Variants in EXOC7 observed in about 807,000 individuals in gnomAD.
The protein encoded by EXOC7 is exocyst complex component Exo70.
EXOC7 carries 51 observed loss-of-function variants against 87.6 expected under a neutral mutation model. The observed-to-expected ratio is 0.58, with a 90% CI of 0.46 to 0.73. The LOEUF is 0.73. EXOC7 is among the 30% of genes least tolerant of loss of function. The pLI, the probability that EXOC7 is intolerant of heterozygous loss-of-function variation, is 0.00. For synonymous variants in EXOC7, 327 were observed against 357.1 expected (o/e 0.92, Z 0.95); for missense variants, 744 against 888.4 (o/e 0.84, Z 2.07).
At chr17:76,088,609 G>C (rs185773739) in intron 9 of EXOC7, 47 bp from the exon 10 acceptor site, 3 of 1,602,160 alleles carry the variant, frequency 1.9e-6, no homozygotes, top group Non-Finnish European at 8.5e-7. Context: ...GTCGCTCTGT[G>C]AGCATCTCAC....
Position 76,085,745 on chromosome 17 carries a change from G to A in EXOC7, c.1548C>T (p.Tyr516=), listed in dbSNP as rs142464366. 42 of 1,613,878 alleles carry A rather than the reference G, an allele frequency of 2.6e-5. No homozygotes were observed. The highest frequency in any genetic ancestry group is 3.3e-4 in the Middle Eastern group (2 of 6,060). The change falls in exon 14 of 19, where the codon TAC becomes TAT. Residue 516 remains tyrosine, a synonymous_variant. Transcript: ENST00000589210. ...AGATGGCGCTCAGAGCTGGGTCCTC[G>A]TACACCTTGGACTTGCTCAGCAAGT... ...QLNLLSKSKV[Y]EDPALSAIFL...
rs79195356 is a variant in EXOC7, at chr17:76,083,295, T to C, written c.*353A>G. 2.8e-3 allele frequency: 735 copies of C among 258,168 alleles called. 6 individuals carry two copies. Among genetic ancestry groups the C allele is most frequent in the African/African-American group, 0.016 (697 of 44,794 alleles). 16.0% of individuals were successfully genotyped at this position (258,168 alleles called of 1,614,324 possible). On this transcript the variant is annotated 3_prime_UTR_variant, in exon 19 of 19. Transcript: ENST00000589210. ...CTCTGTCCCCACCTCTGACCTAGGCTGGAGGGAGGGCCCTTCTGCCCTGCT... is the reference window on the plus strand; with the variant it reads ...CTCTGTCCCCACCTCTGACCTAGGCCGGAGGGAGGGCCCTTCTGCCCTGCT...
At chr17:76,087,285 A>G (rs1056186059) in intron 12 of EXOC7, 8 of 385,122 alleles carry the variant, frequency 2.1e-5, no homozygotes, top group Non-Finnish European at 3.8e-5. Context: ...GACACTTGCT[A>G]CCCTCTGAAG....
rs769920946 is a variant in EXOC7, at chr17:76,101,712, A to G, written c.278T>C (p.Val93Ala). 6.2e-6 allele frequency: 10 copies of G among 1,613,878 alleles called. No homozygotes were observed. The highest frequency in any genetic ancestry group is 8.5e-6 in the Non-Finnish European group (10 of 1,179,972). The change falls in exon 3 of 19, where the codon GTG (valine) becomes GCG (alanine). Residue 93 changes from valine to alanine, a missense_variant. Around this residue, in one of 3 missense-constraint regions of EXOC7, gnomAD observed 512 missense variants for 573.0 expected, o/e 0.89. Coordinates refer to ENST00000589210, the MANE Select transcript of EXOC7 (RefSeq NM_001013839.4). The part of the protein sequence containing the change: ...CLDHVISYYH[V>A]ASDTEKIIRE... The stretch of plus-strand genomic sequence containing the variant: ...GATGATCTTCTCAGTGTCACTGGCC[A>G]CATGGTAGTAGCTGATGACATGGTC...
intron 4 of EXOC7, among the ~76,000 whole-genome samples, chr17:76,100,851 A>C (rs1029335991): frequency 6.6e-6 from 1 of 151,406 alleles, no homozygotes; most frequent in Non-Finnish European, 1.5e-5. Context: ...TGCGGTGGCG[A>C]GTGCCTGTAA....
chr17:76,091,582 C>A (rs2598411), intron 6 of EXOC7: 8 of 209,506 alleles, frequency 3.8e-5, no homozygotes, highest in East Asian at 1.4e-4. Context: ...CGGAGGAGCC[C>A]GTGACAAAGC....
Position 76,086,074 on chromosome 17 carries a change from A to G in EXOC7, c.1495+6T>C. 1 of 1,613,530 alleles carries G rather than the reference A, an allele frequency of 6.2e-7. No individual in the cohort carries two copies. Among genetic ancestry groups the G allele is most frequent in the Non-Finnish European group, 8.5e-7 (1 of 1,179,988 alleles). ...GGGCTGCTGGTCTGCCCGGGAGAAC[A>G]CTCACAGATATAGGTGCTTAGCAGC... On this transcript the variant is annotated splice_donor_region_variant and intron_variant, in intron 13 of 18. Transcript: ENST00000589210.
At position 76,082,564 on chromosome 17, in the gene EXOC7, G is replaced by T. The variant is rs767449079; in HGVS notation, c.*1084C>A. ...GGTTGGGGTGCTGTGCACCCAATTC[G>T]TCTTTGCAGGAATCTGGATGTGGGC... On this transcript the variant is annotated 3_prime_UTR_variant, in exon 19 of 19. Transcript: ENST00000589210. The T allele has an allele frequency of 1.2e-6, 2 of 1,613,646 alleles. No individual in the cohort carries two copies. The highest frequency in any genetic ancestry group is 2.7e-5 in the African/African-American group (2 of 74,918).
At chr17:76,091,888 C>A (rs972341543) in intron 6 of EXOC7, among the ~76,000 whole-genome samples, 14 of 152,172 alleles carry the variant, frequency 9.2e-5, no homozygotes, top group African/African-American at 3.4e-4. Context: ...CAGAAGCCAC[C>A]ACACAGAGCG....
chr17:76,089,384 G>A (rs979966557), intron 7 of EXOC7, 64 bp from the exon 8 acceptor site: 1 of 1,591,406 alleles, frequency 6.3e-7, no homozygotes, highest in African/African-American at 1.3e-5. Flanking sequence ...GCTGGGGGCG[G>A]CGTGGGTCCC....
At chr17:76,085,292 C>A in intron 15 of EXOC7, 22 bp downstream of exon 15, 2 of 1,565,316 alleles carry the variant, frequency 1.3e-6, no homozygotes, top group South Asian at 2.3e-5. Flanking sequence ...CATGCAGGAG[C>A]AGGGCGGGCC....
Position 76,091,418 on chromosome 17 carries a change from C to G in EXOC7, c.809-183G>C, listed in dbSNP as rs111481899. The G allele has an allele frequency of 3.7e-3, 2,161 of 586,044 alleles. 46 individuals carry two copies. Among genetic ancestry groups the G allele is most frequent in the African/African-American group, 0.036 (1,921 of 53,418 alleles). 36.3% of individuals were successfully genotyped at this position (586,044 alleles called of 1,614,324 possible). ...TGAAGGAAAGGAGTCATTTCCTTCT[C>G]CAAATGGAGCCTTGATTCTACTACC... On this transcript the variant is annotated intron_variant, in intron 6 of 18. Transcript: ENST00000589210.
rs1320850452 is a variant in EXOC7 at position 76,088,255 on chromosome 17, T to G, written c.1300-133A>C. On this transcript the variant is annotated intron_variant, in intron 10 of 18. Coordinates refer to ENST00000589210, the MANE Select transcript of EXOC7 (RefSeq NM_001013839.4). ...CTCAGGCACAAAGGCTGAGCCAGGC[T>G]GGACCAAGGGGGAGAGGCCCTTCCC... 5 of 1,061,158 alleles carry G rather than the reference T, an allele frequency of 4.7e-6. No individual in the cohort carries two copies. The East Asian group carries it at 9.5e-5, about 20-fold the overall frequency. 65.7% of individuals were successfully genotyped at this position (1,061,158 alleles called of 1,614,324 possible). A position where few individuals can be genotyped will look rare whatever the true frequency, so the allele number is the denominator to read the frequency against.
chr17:76,085,412 G>C lies in EXOC7; in HGVS notation c.1617-3C>G. 1 of 1,607,820 alleles carries C rather than the reference G, an allele frequency of 6.2e-7. No individual in the cohort carries two copies. Among genetic ancestry groups the C allele is most frequent in the Non-Finnish European group, 8.5e-7 (1 of 1,178,260 alleles). On this transcript the variant is annotated splice_polypyrimidine_tract_variant and splice_region_variant and intron_variant, in intron 14 of 18. Coordinates refer to ENST00000589210, the MANE Select transcript of EXOC7 (RefSeq NM_001013839.4). ...CCACCAGCTGGATCAGTTCAGACCT[G>C]GGTCGGGGTAGGGGACAGAGGAGAG...
At position 76,081,920 on chromosome 17, in the gene EXOC7, A is replaced by G; in HGVS notation, c.*1728T>C. 3 of 1,612,096 alleles carry G rather than the reference A, an allele frequency of 1.9e-6. No homozygotes were observed. Among genetic ancestry groups the G allele is most frequent in the Middle Eastern group, 3.3e-4 (2 of 6,050 alleles). ...CATCCTGCTGCTGCTGCTCTTCCTC[A>G]GCACCATAGAGACTGTGCTGCTGGC... On this transcript the variant is annotated 3_prime_UTR_variant, in exon 19 of 19. Transcript: ENST00000589210.
In EXOC7 at chr17:76,083,757, A is replaced by G. The variant is rs2665986; in HGVS notation, c.1953-7T>C. ...GAAGGGCACGCTGCCAAACCTGAGG[A>G]GGCACTGTGGTCAGGGGACAGGGAG... is the stretch of plus-strand genomic sequence containing the variant. On this transcript the variant is annotated splice_region_variant and splice_polypyrimidine_tract_variant and intron_variant, in intron 18 of 18. Transcript: ENST00000589210. 993,388 of 1,611,610 alleles carry G rather than the reference A, an allele frequency of 0.62. 308,371 individuals are homozygous for G. The highest frequency in any genetic ancestry group is 0.71 in the South Asian group (64,551 of 91,010).
intron 7 of EXOC7, chr17:76,090,677 G>A (rs1329186864): frequency 5.0e-6 from 3 of 603,276 alleles, no homozygotes; most frequent in Non-Finnish European, 5.8e-6. Context: ...GACCAAGGAG[G>A]GGCTGAAGAG....
In EXOC7 at chr17:76,081,215, C is replaced by A; in HGVS notation, c.*2433G>T. 6.3e-7 allele frequency: 1 copy of A among 1,599,102 alleles called. No homozygotes were observed. Among genetic ancestry groups the A allele is most frequent in the South Asian group, 1.1e-5 (1 of 88,804 alleles). Reference sequence around the variant, plus strand: ...ATCACCCCTGGGCTCCAGTCTGCTACCCCCAGACTTGGCAGCTGGGATCTC... The same window carrying A: ...ATCACCCCTGGGCTCCAGTCTGCTAACCCCAGACTTGGCAGCTGGGATCTC... On this transcript the variant is annotated 3_prime_UTR_variant, in exon 19 of 19. Coordinates refer to ENST00000589210, the MANE Select transcript of EXOC7 (RefSeq NM_001013839.4).
chr17:76,087,585 C>G (rs1230504996), intron 12 of EXOC7, 69 bp downstream of exon 12: 3 of 1,458,632 alleles, frequency 2.1e-6, no homozygotes, highest in Non-Finnish European at 2.8e-6. Context: ...CTGCTACCTG[C>G]CCTCTAACCC....
Sources: allele counts gnomAD v4.1 joint callset (sites outside exome capture counted in the v4.1 genomes callset), GRCh38; gene constraint gnomAD v4.1.1; regional missense constraint gnomAD v4.1.1; transcripts MANE v1.5; gene names NCBI Gene and HGNC (gene_info 2026-07-23, HGNC 2026-07-21).